The following DMD variants were observed in gnomAD, a reference collection of about 807,000 sequenced individuals.
DMD encodes mutant dystrophin.
A neutral mutation model predicts 330.1 loss-of-function variants in DMD; 63 were observed. The observed-to-expected ratio is 0.19, with a 90% confidence interval of 0.16 to 0.24. The LOEUF (loss-of-function observed/expected upper bound fraction) is 0.24. DMD is among the 10% of genes least tolerant of loss of function. DMD has a pLI of 1.00. For missense variants in DMD, 3,344 were observed against 2,684.1 expected, an observed-to-expected ratio of 1.25 and a Z score of -5.43; for synonymous variants, 1,223 against 959.8, an observed-to-expected ratio of 1.27 and a Z score of -5.07.
At position 32,468,647 on chromosome X, in the gene DMD, C is replaced by G; in HGVS notation, c.3013G>C (p.Glu1005Gln). 1.7e-6 allele frequency: 2 copies of G among 1,211,509 alleles called. No homozygotes were observed. Among genetic ancestry groups the G allele is most frequent in the Non-Finnish European group, 2.2e-6 (2 of 895,396 alleles). Reference sequence around the variant, plus strand: ...TCAGAGGGCGCTTTCTTCGACATCTCTTTCACAGTGGTGCTGAGATAGTAT... The same window carrying G: ...TCAGAGGGCGCTTTCTTCGACATCTGTTTCACAGTGGTGCTGAGATAGTAT... The part of the protein sequence containing the change: ...GLYYLSTTVK[E>Q]MSKKAPSEIS... Residue 1005 changes from glutamate (E) to glutamine (Q), a missense_variant, in exon 23 of 79, where the codon GAG becomes CAG. By Grantham distance (29) the Glu-to-Gln change is conservative. Coordinates refer to ENST00000357033, the MANE Select transcript of DMD (RefSeq NM_004006.3).
chrX:33,252,106 C>T (rs2052780901), intron 1 of DMD, among the ~76,000 whole-genome samples: 1 of 111,814 alleles, frequency 8.9e-6, no homozygotes, highest in African/African-American at 3.2e-5. Context: ...AAATAAATAT[C>T]TTGAAGATGA....
chrX:33,077,905 A>G (rs988050293), intron 1 of DMD, among the ~76,000 whole-genome samples: 1 of 112,590 alleles, frequency 8.9e-6, no homozygotes, highest in Non-Finnish European at 1.9e-5. Context: ...AAATCATGAT[A>G]GAAATGATTT....
At chrX:32,231,440 A>G (rs1403122301) in intron 43 of DMD, among the ~76,000 whole-genome samples, 9 of 112,041 alleles carry the variant, frequency 8.0e-5, no homozygotes, top group Non-Finnish European at 1.7e-4. Flanking sequence ...GCAAATCAAA[A>G]TACACCACTT....
intron 44 of DMD, among the ~76,000 whole-genome samples, chrX:32,069,179 G>A (rs746181799): frequency 9.0e-6 from 1 of 111,388 alleles, no homozygotes; most frequent in Non-Finnish European, 1.9e-5. Flanking sequence ...AAGAAGAAAT[G>A]ATAAGTGTTT....
rs760618360 is a variant in DMD at position 32,548,803 on chromosome X, T to C, written c.1993-3469A>G. ...TCATTTCTATTTATATATTAAGATCTATGGAATCATACTCCTGTCACTCAA... is the reference window on the plus strand; with the variant it reads ...TCATTTCTATTTATATATTAAGATCCATGGAATCATACTCCTGTCACTCAA... On this transcript the variant is annotated intron_variant, in intron 16 of 78. Transcript: ENST00000357033. 4.5e-5 allele frequency among the ~76,000 whole-genome samples: 5 copies of C among 111,586 alleles called. No homozygotes were observed. The South Asian group carries it at 1.9e-3, about 42-fold the overall frequency.
At chrX:32,803,666 G>C (rs979713001) in intron 7 of DMD, among the ~76,000 whole-genome samples, 12 of 111,766 alleles carry the variant, frequency 1.1e-4, no homozygotes, top group African/African-American at 3.3e-4. Context: ...TTGTGTGTTT[G>C]TTCTCATTGG....
At chrX:32,935,972 A>C (rs1238634019) in intron 2 of DMD, among the ~76,000 whole-genome samples, 2 of 111,832 alleles carry the variant, frequency 1.8e-5, no homozygotes, top group Non-Finnish European at 3.8e-5. Context: ...ATATTAGACG[A>C]GCAAAAGGAA....
chrX:32,143,797 G>A (rs1327609325), intron 44 of DMD, among the ~76,000 whole-genome samples: 1 of 107,979 alleles, frequency 9.3e-6, no homozygotes, highest in African/African-American at 3.4e-5. Flanking sequence ...TGATCCGCCC[G>A]CCTCGGCCTC....
At chrX:32,239,693 T>G (rs2097200951) in intron 43 of DMD, among the ~76,000 whole-genome samples, 1 of 111,976 alleles carries the variant, frequency 8.9e-6, no homozygotes, top group Admixed American at 9.5e-5. Flanking sequence ...ATTCCAGTGG[T>G]GGATATACTA....
rs770387429 is a variant in DMD at position 31,700,101 on chromosome X, G to A, written c.7661-20515C>T. Among the ~76,000 whole-genome samples, 21 of 108,866 alleles carry A rather than the reference G, an allele frequency of 1.9e-4. No homozygotes were observed. The South Asian group carries it at 7.4e-3, about 38-fold the overall frequency. 94.5% of individuals were successfully genotyped at this position (108,866 alleles called of 115,157 possible). ...CTCGGGAGGCTGAGGCAGGAGAATC[G>A]CTTGAACCCGGGCGGCAGAGGTTGC... On this transcript the variant is annotated intron_variant, in intron 52 of 78. Coordinates refer to ENST00000357033, the MANE Select transcript of DMD (RefSeq NM_004006.3).
rs2032341295 is a variant in DMD at position 31,120,892 on chromosome X, C to CT, written c.*1026_*1027insA. 1.8e-5 allele frequency: 2 copies of CT among 110,825 alleles called. No individual in the cohort carries two copies. The highest frequency in any genetic ancestry group is 6.7e-5 in the African/African-American group (2 of 29,717). 9.1% of individuals were successfully genotyped at this position (110,825 alleles called of 1,213,427 possible). On this transcript the variant is annotated 3_prime_UTR_variant, in exon 79 of 79. Transcript: ENST00000357033. Reference sequence around the variant, plus strand: ...ATCAATCAATCAATCAATCAACCAACCAACCGATTACTCACTCTGATATAA... The same window carrying CT: ...ATCAATCAATCAATCAATCAACCAACTCAACCGATTACTCACTCTGATATAA...
chrX:31,885,440 C>T (rs2094137582), intron 47 of DMD, among the ~76,000 whole-genome samples: 1 of 109,169 alleles, frequency 9.2e-6, no homozygotes, highest in African/African-American at 3.3e-5. Flanking sequence ...GAAACCCCGT[C>T]TCTACTAAAA....
At chrX:32,118,071 C>T (rs1414789644) in intron 44 of DMD, among the ~76,000 whole-genome samples, 1 of 111,589 alleles carries the variant, frequency 9.0e-6, no homozygotes, top group African/African-American at 3.3e-5. Flanking sequence ...TTTTCTGCAA[C>T]TTACAAGCCC....
chrX:32,537,944 C>A (rs1174981364), intron 17 of DMD, among the ~76,000 whole-genome samples: 1 of 112,293 alleles, frequency 8.9e-6, no homozygotes, highest in Non-Finnish European at 1.9e-5. Context: ...GACCAGTTCT[C>A]AATATAGTGC....
intron 44 of DMD, among the ~76,000 whole-genome samples, chrX:32,095,754 G>T (rs1022336127): frequency 1.8e-5 from 2 of 111,682 alleles, no homozygotes; most frequent in Admixed American, 9.5e-5. Flanking sequence ...TTTCTGATTT[G>T]ATTTTCTATG....
At chrX:31,739,168 T>C (rs1403633696) in intron 51 of DMD, among the ~76,000 whole-genome samples, 1 of 111,801 alleles carries the variant, frequency 8.9e-6, no homozygotes, top group Non-Finnish European at 1.9e-5. Context: ...ACACATTGCA[T>C]GCCTGTATCA....
intron 7 of DMD, among the ~76,000 whole-genome samples, chrX:32,746,803 C>T (rs1411083958): frequency 1.8e-5 from 2 of 110,932 alleles, no homozygotes; most frequent in African/African-American, 3.3e-5. Flanking sequence ...AGTACATATC[C>T]GTCCTATTTA....
In DMD at chrX:31,178,922, G is replaced by C. The variant is rs1461771516; in HGVS notation, c.10087-117C>G. 6.6e-6 allele frequency: 6 copies of C among 913,238 alleles called. No homozygotes were observed. The Admixed American group carries it at 1.4e-4, about 22-fold the overall frequency. The allele number at this position is 913,238 out of a possible 1,213,427, so 75.3% of individuals were successfully genotyped here. A position where few individuals can be genotyped will look rare whatever the true frequency, so the allele number is the denominator to read the frequency against. ...TGTAATTAAGGAGAGTGTTGTGGTTGTGAGCAAAGGCTTTGGAATCAGACA... is the reference window on the plus strand; with the variant it reads ...TGTAATTAAGGAGAGTGTTGTGGTTCTGAGCAAAGGCTTTGGAATCAGACA... On this transcript the variant is annotated intron_variant, in intron 69 of 78. Transcript: ENST00000357033.
chrX:33,278,025 A>C (rs1461514490), intron 1 of DMD, among the ~76,000 whole-genome samples: 1 of 110,781 alleles, frequency 9.0e-6, no homozygotes, highest in Non-Finnish European at 1.9e-5. Context: ...GTATTACTTG[A>C]GCCCAGGACT....
Sources: gnomAD v4.1 joint callset for allele counts (sites outside exome capture counted in the v4.1 genomes callset) on GRCh38, gnomAD v4.1.1 for gene constraint, MANE v1.5 for transcripts, NCBI Gene and HGNC (gene_info 2026-07-23, HGNC 2026-07-21) for gene names.